The following GHR variants were observed in gnomAD, a reference collection of about 807,000 sequenced individuals.
The protein encoded by GHR is growth hormone receptor.
GHR carries 35 observed loss-of-function variants against 67.1 expected under a neutral mutation model. That is an observed-to-expected ratio of 0.52 (90% confidence interval 0.40 to 0.69). The LOEUF (loss-of-function observed/expected upper bound fraction) is 0.69, where lower values mean the gene tolerates loss of function less well. Among genes scored for constraint, GHR ranks in the 30% least tolerant of loss-of-function variants. The probability of loss-of-function intolerance (pLI) is 0.00; values close to 1 mark genes in which losing one functional copy is unlikely to be tolerated. For missense variants in GHR, 792 were observed against 764.6 expected (o/e 1.04, Z -0.42); for synonymous variants, 272 against 269.1 (o/e 1.01, Z -0.10).
At position 42,549,193 on chromosome 5, in the gene GHR, C is replaced by T. The variant is rs114519013; in HGVS notation, c.-11-16671C>T. On this transcript the variant is annotated intron_variant, in intron 1 of 9. Coordinates refer to ENST00000230882, the MANE Select transcript of GHR (RefSeq NM_000163.5). ...TTTCTTACTGCATGCCTGATTAAAACCCATCCCATAATGCCTGATGTGATG... is the reference window on the plus strand; with the variant it reads ...TTTCTTACTGCATGCCTGATTAAAATCCATCCCATAATGCCTGATGTGATG... Among the ~76,000 whole-genome samples the T allele has an allele frequency of 4.4e-3, 664 of 152,290 alleles. 4 individuals carry two copies. The highest frequency in any genetic ancestry group is 0.015 in the African/African-American group (634 of 41,554).
chr5:42,711,288 C>A lies in GHR; in HGVS notation c.700C>A (p.Gln234Lys). 1.2e-6 allele frequency: 2 copies of A among 1,612,792 alleles called. No individual in the cohort carries two copies. Among genetic ancestry groups the A allele is most frequent in the Non-Finnish European group, 1.7e-6 (2 of 1,178,846 alleles). ...KEYEVRVRSKQRNSGNYGEFS... is the reference protein window; with the variant it reads ...KEYEVRVRSKKRNSGNYGEFS... ...ATATGAAGTGCGTGTGAGATCCAAA[C>A]AACGAAACTCTGGAAATTATGGCGA... Residue 234 changes from glutamine (Q) to lysine (K), a missense_variant, in exon 7 of 10, where the codon CAA (glutamine) becomes AAA (lysine). By Grantham distance (53) the Gln-to-Lys change is moderately conservative (BLOSUM62 1). Coordinates refer to ENST00000230882, the MANE Select transcript of GHR (RefSeq NM_000163.5).
chr5:42,469,752 T>A (rs542718823), intron 1 of GHR, among the ~76,000 whole-genome samples: 1 of 152,200 alleles, frequency 6.6e-6, no homozygotes, highest in African/African-American at 2.4e-5. Context: ...GAAATGGAGG[T>A]GCTGGTGCCA....
intron 3 of GHR, among the ~76,000 whole-genome samples, chr5:42,645,491 C>T (rs1344035221): frequency 6.6e-6 from 1 of 152,066 alleles, no homozygotes; most frequent in Non-Finnish European, 1.5e-5. Flanking sequence ...AATTGAAAAC[C>T]AAAGAGAGAG....
chr5:42,695,742 C>T (rs1579628057), intron 5 of GHR, among the ~76,000 whole-genome samples: 1 of 152,106 alleles, frequency 6.6e-6, no homozygotes. Context: ...CATGTTTATA[C>T]CTTAATAGTA....
rs1233578766 is a variant in GHR, at chr5:42,487,052, G to A, written c.-12+63097G>A. 2.6e-5 allele frequency among the ~76,000 whole-genome samples: 4 copies of A among 152,088 alleles called. No homozygotes were observed. In the East Asian group the frequency reaches 7.7e-4, roughly 29 times the overall value. On this transcript the variant is annotated intron_variant, in intron 1 of 9. Coordinates refer to ENST00000230882, the MANE Select transcript of GHR (RefSeq NM_000163.5). Reference sequence around the variant, plus strand: ...CATTGCAGTATCATCCATATCTCAGGCAAAGGTACTCCAGCATTTTGTAGT... The same window carrying A: ...CATTGCAGTATCATCCATATCTCAGACAAAGGTACTCCAGCATTTTGTAGT...
intron 2 of GHR, among the ~76,000 whole-genome samples, chr5:42,576,099 T>TAAAATA (rs11400007): frequency 3.6e-4 from 25 of 69,194 alleles, no homozygotes; most frequent in Middle Eastern, 8.5e-3. Flanking sequence ...TAAAATAAAA[T>TAAAATA]AAATAAAATA....
In GHR at chr5:42,482,683, G is replaced by C. The variant is rs142395332; in HGVS notation, c.-12+58728G>C. 9.3e-3 allele frequency among the ~76,000 whole-genome samples: 1,411 copies of C among 152,310 alleles called. 9 individuals carry two copies. The highest frequency in any genetic ancestry group is 0.011 in the Non-Finnish European group (778 of 68,036). On this transcript the variant is annotated intron_variant, in intron 1 of 9. Coordinates refer to ENST00000230882, the MANE Select transcript of GHR (RefSeq NM_000163.5). ...CATGGGCATAGGACCCTCCGAGCCAGGTGCGGGATATAATCTCCTGGTGTG... is the reference window on the plus strand; with the variant it reads ...CATGGGCATAGGACCCTCCGAGCCACGTGCGGGATATAATCTCCTGGTGTG...
intron 2 of GHR, among the ~76,000 whole-genome samples, chr5:42,568,188 G>A (rs184576609): frequency 2.0e-5 from 3 of 152,212 alleles, no homozygotes; most frequent in South Asian, 2.1e-4. Context: ...TCTTGCTTGG[G>A]CAGATGAGCA....
intron 1 of GHR, among the ~76,000 whole-genome samples, chr5:42,482,824 G>A (rs867188917): frequency 6.7e-4 from 102 of 152,310 alleles, no homozygotes; most frequent in South Asian, 1.5e-3. Context: ...GACCTCTTGC[G>A]CTTCCCAGGT....
chr5:42,655,816 C>T (rs537595137), intron 3 of GHR, among the ~76,000 whole-genome samples: 2 of 152,070 alleles, frequency 1.3e-5, no homozygotes, highest in East Asian at 3.9e-4. Context: ...AGGAGTAGAT[C>T]TTTATTTCAA....
intron 1 of GHR, among the ~76,000 whole-genome samples, chr5:42,435,240 T>C (rs1386102193): frequency 6.6e-6 from 1 of 152,236 alleles, no homozygotes; most frequent in Non-Finnish European, 1.5e-5. Flanking sequence ...TGTTGAGATT[T>C]CCCTCCTCCA....
intron 1 of GHR, among the ~76,000 whole-genome samples, chr5:42,500,790 T>C (rs1031102889): frequency 1.3e-5 from 2 of 152,188 alleles, no homozygotes; most frequent in African/African-American, 4.8e-5. Context: ...TGATTTTGTT[T>C]GCCTGCATGA....
In GHR at chr5:42,424,847, C is replaced by T. The variant is rs1561295614; in HGVS notation, c.-12+892C>T. ...GGGGATGCCTGCTGAGACCGAGCTGCGGGGGCTCTCGGTCTGGCGCGGACT... is the reference window on the plus strand; with the variant it reads ...GGGGATGCCTGCTGAGACCGAGCTGTGGGGGCTCTCGGTCTGGCGCGGACT... On this transcript the variant is annotated intron_variant, in intron 1 of 9. Coordinates refer to ENST00000230882, the MANE Select transcript of GHR (RefSeq NM_000163.5). The surrounding 1 kb of genome is among the most constrained non-coding windows in gnomAD (Gnocchi z 4.1). 7.2e-6 allele frequency: 2 copies of T among 276,814 alleles called. No homozygotes were observed. The highest frequency in any genetic ancestry group is 4.6e-5 in the African/African-American group (2 of 43,890). The allele number at this position is 276,814 out of a possible 1,614,324, so 17.1% of individuals were successfully genotyped here.
chr5:42,697,640 C>A (rs1001091562), intron 5 of GHR, among the ~76,000 whole-genome samples: 1 of 152,068 alleles, frequency 6.6e-6, no homozygotes, highest in Non-Finnish European at 1.5e-5. Flanking sequence ...ACAGAGTGAG[C>A]GAGGAGACTG....
intron 3 of GHR, among the ~76,000 whole-genome samples, chr5:42,683,421 A>G (rs936217847): frequency 1.3e-5 from 2 of 152,246 alleles, no homozygotes; most frequent in African/African-American, 4.8e-5. Flanking sequence ...CAAAACCAGC[A>G]AAAGGGTGAG....
chr5:42,695,051 G>T lies in GHR; in HGVS notation c.401G>T (p.Gly134Val). The T allele has an allele frequency of 2.5e-6, 4 of 1,611,058 alleles. No individual in the cohort carries two copies. The highest frequency in any genetic ancestry group is 3.4e-6 in the Non-Finnish European group (4 of 1,177,260). ...TGTATCAAGCTAACTAGCAATGGTG[G>T]TACAGTGGATGAAAAGTGTTTCTCT... ...PYCIKLTSNGGTVDEKCFSVD... is the reference protein window; with the variant it reads ...PYCIKLTSNGVTVDEKCFSVD... Residue 134 changes from glycine (G) to valine (V), a missense_variant, in exon 5 of 10, where the codon GGT becomes GTT. Gly to Val is a moderately radical substitution (Grantham distance 109, BLOSUM62 -3). Transcript: ENST00000230882.
chr5:42,709,202 C>T lies in GHR; in HGVS notation c.619-2005C>T, dbSNP rs574800014. 2.6e-5 allele frequency among the ~76,000 whole-genome samples: 4 copies of T among 152,242 alleles called. No individual in the cohort carries two copies. The South Asian group carries it at 6.2e-4, about 24-fold the overall frequency. ...AGGCTAGAGTACAGTGGCCCAATCT[C>T]GGCTCACTGCAACCTCCACCTCCAG... On this transcript the variant is annotated intron_variant, in intron 6 of 9. Transcript: ENST00000230882.
chr5:42,492,146 G>C (rs1008564785), intron 1 of GHR, among the ~76,000 whole-genome samples: 10 of 152,052 alleles, frequency 6.6e-5, no homozygotes, highest in African/African-American at 1.9e-4. Context: ...TTATGTCTGC[G>C]TGTGTATTGC....
At chr5:42,553,917 C>T (rs1749169112) in intron 1 of GHR, among the ~76,000 whole-genome samples, 1 of 152,070 alleles carries the variant, frequency 6.6e-6, no homozygotes, top group Admixed American at 6.5e-5. Context: ...CATAAATCAT[C>T]ATCTGTTGCA....
Sources: gnomAD v4.1 joint callset for allele counts (sites outside exome capture counted in the v4.1 genomes callset) on GRCh38, gnomAD v4.1.1 for gene constraint, Gnocchi (gnomAD v3.1) non-coding constraint, MANE v1.5 for transcripts, NCBI Gene and HGNC (gene_info 2026-07-23, HGNC 2026-07-21) for gene names.